The following DOK6 variants were observed in gnomAD, a reference collection of about 807,000 sequenced individuals.
The protein encoded by DOK6 is downstream of tyrosine kinase 6.
DOK6 carries 22 observed loss-of-function variants against 44.0 expected under a neutral mutation model. That is an observed-to-expected ratio of 0.50 (90% CI 0.36 to 0.71). The LOEUF (loss-of-function observed/expected upper bound fraction) is 0.71, where lower values mean the gene tolerates loss of function less well. DOK6 is among the 30% of genes least tolerant of loss of function. The probability of loss-of-function intolerance (pLI) is 0.00; values close to 1 mark genes in which losing one functional copy is unlikely to be tolerated. For synonymous variants in DOK6, 166 were observed against 145.5 expected, an observed-to-expected ratio of 1.14 and a Z score of -1.01; for missense variants, 340 against 416.4, an observed-to-expected ratio of 0.82 and a Z score of 1.60.
intron 6 of DOK6, among the ~76,000 whole-genome samples, chr18:69,753,751 A>G (rs1474244927): frequency 1.3e-5 from 2 of 152,192 alleles, no homozygotes; most frequent in Non-Finnish European, 2.9e-5. Flanking sequence ...AGCATCGCCT[A>G]CAGGAAATAG....
intron 1 of DOK6, among the ~76,000 whole-genome samples, chr18:69,549,261 G>A (rs1982497616): frequency 6.6e-6 from 1 of 151,426 alleles, no homozygotes; most frequent in Admixed American, 6.6e-5. Flanking sequence ...AAAAAATGCT[G>A]TCTAATGTGG....
At chr18:69,797,362 G>C (rs1006788684) in intron 7 of DOK6, among the ~76,000 whole-genome samples, 8 of 152,062 alleles carry the variant, frequency 5.3e-5, no homozygotes, top group African/African-American at 1.9e-4. Context: ...AAGTTGTAAA[G>C]TTGTTAGAGT....
intron 3 of DOK6, among the ~76,000 whole-genome samples, chr18:69,623,918 C>G (rs1324675827): frequency 2.0e-5 from 3 of 152,080 alleles, no homozygotes; most frequent in Non-Finnish European, 4.4e-5. Context: ...TTCATGTTTT[C>G]CTGTGCAGAA....
intron 4 of DOK6, among the ~76,000 whole-genome samples, chr18:69,679,969 ACAC>A (rs1986009046): frequency 6.6e-6 from 1 of 152,142 alleles, no homozygotes; most frequent in African/African-American, 2.4e-5. Context: ...ACACATACAC[ACAC>A]AAGTCAAAAT....
intron 7 of DOK6, among the ~76,000 whole-genome samples, chr18:69,764,309 A>T (rs1397077801): frequency 6.6e-6 from 1 of 152,136 alleles, no homozygotes; most frequent in Non-Finnish European, 1.5e-5. Flanking sequence ...ACTGCACGTG[A>T]TGACTAAACT....
At chr18:69,431,727 A>G (rs1290474849) in intron 1 of DOK6, among the ~76,000 whole-genome samples, 1 of 152,200 alleles carries the variant, frequency 6.6e-6, no homozygotes, top group Admixed American at 6.5e-5. Flanking sequence ...TTGTTTAATT[A>G]CTGCCTACTG....
At chr18:69,436,468 G>C (rs1386822801) in intron 1 of DOK6, among the ~76,000 whole-genome samples, 1 of 152,118 alleles carries the variant, frequency 6.6e-6, no homozygotes, top group Non-Finnish European at 1.5e-5. Flanking sequence ...CTTCATCCAT[G>C]TCCCTGCAAA....
chr18:69,531,562 A>G (rs1013409132), intron 1 of DOK6, among the ~76,000 whole-genome samples: 56 of 151,948 alleles, frequency 3.7e-4, no homozygotes, highest in African/African-American at 1.3e-3. Flanking sequence ...ATTAAGAGCC[A>G]AAGCCACCTC....
intron 7 of DOK6, among the ~76,000 whole-genome samples, chr18:69,803,196 T>G (rs1040586024): frequency 6.6e-6 from 1 of 152,128 alleles, no homozygotes; most frequent in Non-Finnish European, 1.5e-5. Flanking sequence ...TTATTGAATT[T>G]AAAAGTAATT....
chr18:69,575,794 A>G (rs1983224743), intron 2 of DOK6, among the ~76,000 whole-genome samples: 1 of 152,088 alleles, frequency 6.6e-6, no homozygotes, highest in Admixed American at 6.6e-5. Flanking sequence ...AAAATTTTTT[A>G]TATTTACAAA....
chr18:69,545,476 C>G (rs1599184037), intron 1 of DOK6, among the ~76,000 whole-genome samples: 1 of 110,728 alleles, frequency 9.0e-6, no homozygotes, highest in Non-Finnish European at 1.8e-5. Flanking sequence ...GATCTGGTAA[C>G]AAAATCAGCA....
At chr18:69,587,412 T>G (rs1427019166) in intron 2 of DOK6, among the ~76,000 whole-genome samples, 1 of 152,156 alleles carries the variant, frequency 6.6e-6, no homozygotes, top group African/African-American at 2.4e-5. Flanking sequence ...TCTCCTCGTC[T>G]CTTGTAAAGA....
intron 2 of DOK6, among the ~76,000 whole-genome samples, chr18:69,571,307 T>G (rs1389692594): frequency 6.7e-6 from 1 of 149,962 alleles, no homozygotes; most frequent in Non-Finnish European, 1.5e-5. Context: ...CAGAAGAAAA[T>G]AAGAAAGGAG....
intron 1 of DOK6, among the ~76,000 whole-genome samples, chr18:69,515,243 C>T (rs1414128588): frequency 1.3e-5 from 2 of 152,110 alleles, no homozygotes; most frequent in African/African-American, 2.4e-5. Context: ...AATGAGGCAT[C>T]GTGTAAATAT....
chr18:69,595,479 T>C (rs953661297), intron 2 of DOK6, among the ~76,000 whole-genome samples: 4 of 152,204 alleles, frequency 2.6e-5, no homozygotes, highest in African/African-American at 9.6e-5. Flanking sequence ...AACATCATCT[T>C]GTCTCTTCTT....
chr18:69,621,353 A>C (rs980047430), intron 3 of DOK6, among the ~76,000 whole-genome samples: 2 of 152,172 alleles, frequency 1.3e-5, no homozygotes, highest in African/African-American at 4.8e-5. Flanking sequence ...TATTATTACT[A>C]TATACCTTAT....
chr18:69,811,228 T>A (rs1483679908), intron 7 of DOK6, among the ~76,000 whole-genome samples: 2 of 151,820 alleles, frequency 1.3e-5, no homozygotes, highest in Admixed American at 1.3e-4. Flanking sequence ...TACCATGTGA[T>A]CTCACTTACG....
intron 5 of DOK6, chr18:69,724,816 C>T (rs1172482999): frequency 6.6e-6 from 1 of 152,186 alleles, no homozygotes; most frequent in East Asian, 1.9e-4. Context: ...TTACCTGAGG[C>T]ACTTAGACCA....
At chr18:69,770,688 G>T (rs1205315731) in intron 7 of DOK6, among the ~76,000 whole-genome samples, 1 of 152,082 alleles carries the variant, frequency 6.6e-6, no homozygotes, top group Non-Finnish European at 1.5e-5. Flanking sequence ...CGTGAGGGTT[G>T]CCATTACTTT....
Sources: allele counts gnomAD v4.1 joint callset (sites outside exome capture counted in the v4.1 genomes callset), GRCh38; gene constraint gnomAD v4.1.1; transcripts MANE v1.5; gene names NCBI Gene and HGNC (gene_info 2026-07-23, HGNC 2026-07-21).